Variants in IPO11 observed in about 807,000 individuals in gnomAD.
The protein encoded by IPO11 is importin 11.
A neutral mutation model predicts 143.2 loss-of-function variants in IPO11; 66 were observed. That is an observed-to-expected ratio of 0.46 (90% CI 0.38 to 0.57). The LOEUF (loss-of-function observed/expected upper bound fraction) is 0.57, where lower values mean the gene tolerates loss of function less well. IPO11 is among the 20% of genes least tolerant of loss of function. The pLI is 0.00. For synonymous variants in IPO11, 385 were observed against 377.8 expected, an observed-to-expected ratio of 1.02 and a Z score of -0.22; for missense variants, 1,026 against 1,141.0, an observed-to-expected ratio of 0.90 and a Z score of 1.45.
chr5:62,437,457 A>G (rs769709232), intron 2 of IPO11, 40 bp downstream of exon 2: 6 of 1,548,314 alleles, frequency 3.9e-6, no homozygotes, highest in Non-Finnish European at 5.3e-6. Flanking sequence ...TTTTTAATAA[A>G]ATGAGACAAC....
intron 5 of IPO11, among the ~76,000 whole-genome samples, chr5:62,465,892 A>G (rs777987486): frequency 3.3e-5 from 5 of 152,232 alleles, no homozygotes; most frequent in Admixed American, 6.5e-5. Flanking sequence ...CACAGAAACA[A>G]TAGGAGATAG....
chr5:62,472,875 G>T (rs1218475321), intron 7 of IPO11, among the ~76,000 whole-genome samples: 1 of 152,154 alleles, frequency 6.6e-6, no homozygotes, highest in Non-Finnish European at 1.5e-5. Context: ...CTAAAGAAAA[G>T]ATATATGACA....
intron 28 of IPO11, among the ~76,000 whole-genome samples, chr5:62,600,051 G>T (rs6893243): frequency 0.089 from 13,466 of 151,978 alleles, 645 homozygotes; most frequent in East Asian, 0.14. Flanking sequence ...TTTTTTGGGG[G>T]TGGGGGAGAC....
intron 5 of IPO11, among the ~76,000 whole-genome samples, chr5:62,452,297 A>G (rs1483770144): frequency 6.6e-6 from 1 of 151,304 alleles, no homozygotes; most frequent in Non-Finnish European, 1.5e-5. Context: ...GTAAAAAAAA[A>G]TGACTATAGT....
intron 1 of IPO11, among the ~76,000 whole-genome samples, chr5:62,432,264 C>G (rs1439467637): frequency 1.3e-5 from 2 of 152,192 alleles, no homozygotes; most frequent in Non-Finnish European, 2.9e-5. Context: ...GCTCACTATT[C>G]TTTGCCTGCT....
intron 3 of IPO11, among the ~76,000 whole-genome samples, chr5:62,447,775 CAG>C (rs76589595): frequency 0.16 from 23,694 of 151,804 alleles, 1,894 homozygotes; most frequent in Middle Eastern, 0.21. Context: ...TTGGTAGAGA[CAG>C]GGTTTCGCCA....
intron 19 of IPO11, among the ~76,000 whole-genome samples, chr5:62,513,176 C>A (rs1365046197): frequency 6.6e-6 from 1 of 151,540 alleles, no homozygotes; most frequent in Non-Finnish European, 1.5e-5. Context: ...CAGAGGCGCC[C>A]CTCAGCTCCC....
intron 27 of IPO11, among the ~76,000 whole-genome samples, chr5:62,588,625 C>CCT (rs1744895272): frequency 6.6e-6 from 1 of 152,152 alleles, no homozygotes; most frequent in African/African-American, 2.4e-5. Context: ...CAACAGATGC[C>CCT]CTGTGGTCAA....
chr5:62,586,172 T>C (rs1744764857), intron 27 of IPO11, among the ~76,000 whole-genome samples: 1 of 152,226 alleles, frequency 6.6e-6, no homozygotes, highest in Non-Finnish European at 1.5e-5. Context: ...TACATTATTA[T>C]TAGAAAGCTG....
chr5:62,502,147 C>T (rs2112257191), intron 16 of IPO11, among the ~76,000 whole-genome samples: 1 of 152,322 alleles, frequency 6.6e-6, no homozygotes, highest in East Asian at 1.9e-4. Flanking sequence ...CCCTGTTTCT[C>T]TCATGCTTTG....
intron 3 of IPO11, among the ~76,000 whole-genome samples, chr5:62,448,364 A>G (rs979206610): frequency 3.9e-5 from 6 of 152,138 alleles, no homozygotes; most frequent in Admixed American, 2.6e-4. Context: ...CATTCCATTC[A>G]TTGAATCTGC....
intron 27 of IPO11, among the ~76,000 whole-genome samples, chr5:62,575,146 G>C (rs1181432003): frequency 1.3e-5 from 2 of 152,150 alleles, no homozygotes; most frequent in Non-Finnish European, 2.9e-5. Context: ...AATGCTCATG[G>C]ACAAATTTTA....
At chr5:62,596,274 A>AAAAAAAAAAAAAAAAAG (rs1554057521) in intron 28 of IPO11, among the ~76,000 whole-genome samples, 33 of 150,892 alleles carry the variant, frequency 2.2e-4, no homozygotes, top group African/African-American at 7.9e-4. Flanking sequence ...GTCTCAAAAA[A>AAAAAAAAAAAAAAAAAG]AAAAAAAAAG....
intron 5 of IPO11, among the ~76,000 whole-genome samples, chr5:62,457,130 A>G (rs1457318152): frequency 1.3e-5 from 2 of 152,070 alleles, no homozygotes; most frequent in African/African-American, 2.4e-5. Flanking sequence ...ACTATATTGC[A>G]TTGTTATTAT....
chr5:62,537,367 G>T (rs1052007297), intron 24 of IPO11, 78 bp downstream of exon 24: 1 of 968,716 alleles, frequency 1.0e-6, no homozygotes, highest in Non-Finnish European at 1.6e-6. Flanking sequence ...CATTTGGATG[G>T]TTCGCAAGAA....
rs1741979411 is a variant in IPO11 at position 62,515,381 on chromosome 5, G to A, written c.1783-7G>A. 1.3e-6 allele frequency: 2 copies of A among 1,581,878 alleles called. No homozygotes were observed. Among genetic ancestry groups the A allele is most frequent in the South Asian group, 1.2e-5 (1 of 85,072 alleles). On this transcript the variant is annotated splice_region_variant and splice_polypyrimidine_tract_variant and intron_variant, in intron 19 of 29. Transcript: ENST00000325324. ...TTTTGTTGTTTCCTCTACTTATATT[G>A]TAATAGATACGACCATATGTGGGAT...
intron 1 of IPO11, among the ~76,000 whole-genome samples, chr5:62,429,507 T>A (rs2112112927): frequency 1.3e-5 from 2 of 152,170 alleles, no homozygotes; most frequent in Admixed American, 1.3e-4. Flanking sequence ...AACCTCCGCC[T>A]CCTGGGTTCC....
chr5:62,450,738 A>G (rs903071806), intron 4 of IPO11, among the ~76,000 whole-genome samples: 4 of 149,698 alleles, frequency 2.7e-5, no homozygotes, highest in African/African-American at 9.8e-5. Flanking sequence ...TTCAATTCCT[A>G]CTATTCTGTG....
intron 22 of IPO11, among the ~76,000 whole-genome samples, chr5:62,536,168 ACACT>A (rs1417119412): frequency 6.6e-6 from 1 of 152,188 alleles, no homozygotes; most frequent in Non-Finnish European, 1.5e-5. Flanking sequence ...AAGTGCAGTA[ACACT>A]CAGTAAATGT....
Sources: allele counts gnomAD v4.1 joint callset (sites outside exome capture counted in the v4.1 genomes callset), GRCh38; gene constraint gnomAD v4.1.1; transcripts MANE v1.5; gene names NCBI Gene and HGNC (gene_info 2026-07-23, HGNC 2026-07-21).